The following ADRA1A variants were observed in gnomAD, a reference collection of about 807,000 sequenced individuals.
ADRA1A encodes the protein adrenoceptor alpha 1A.
Under a neutral mutation model 29.6 loss-of-function variants are expected in ADRA1A, and 31 were observed. The ratio of observed to expected loss-of-function variants is 1.05; its 90% confidence interval spans 0.79 to 1.41. The LOEUF is 1.41. Among genes scored for constraint, ADRA1A ranks in the 40% most tolerant of loss-of-function variants. ADRA1A has a pLI of 0.00. For synonymous variants in ADRA1A, 311 were observed against 254.3 expected (o/e 1.22, Z -2.12); for missense variants, 619 against 601.1 (o/e 1.03, Z -0.31).
At chr8:26,807,955 C>G (rs1042701578) in intron 2 of ADRA1A, among the ~76,000 whole-genome samples, 7 of 152,174 alleles carry the variant, frequency 4.6e-5, no homozygotes, top group Non-Finnish European at 7.4e-5. Context: ...AGTTCCCAAG[C>G]TCTTTATACT....
At chr8:26,757,215 T>G (rs1335836304) in intron 2 of ADRA1A, 1 of 696,764 alleles carries the variant, frequency 1.4e-6, no homozygotes, top group African/African-American at 1.8e-5. Flanking sequence ...TAAAACAAGT[T>G]TGAGATTCTG....
chr8:26,831,678 T>C lies in ADRA1A; in HGVS notation c.883+32409A>G, dbSNP rs113358624. On this transcript the variant is annotated intron_variant, in intron 2 of 2. Transcript: ENST00000380573. The surrounding 1 kb of genome is among the most constrained non-coding windows in gnomAD (Gnocchi z 5.2). Reference sequence around the variant, plus strand: ...CTGGGTAGATCAGCCACATGCCAATTGTCTTCTTGTTTTCTTTCCAGGACA... The same window carrying C: ...CTGGGTAGATCAGCCACATGCCAATCGTCTTCTTGTTTTCTTTCCAGGACA... Among the ~76,000 whole-genome samples the C allele has an allele frequency of 1.3e-5, 2 of 152,362 alleles. No individual in the cohort carries two copies. Among genetic ancestry groups the C allele is most frequent in the African/African-American group, 4.8e-5 (2 of 41,578 alleles).
rs1367275492 is a variant in ADRA1A, at chr8:26,805,525, C to T, written c.884-34859G>A. Among the ~76,000 whole-genome samples, 1 of 152,134 alleles carries T rather than the reference C, an allele frequency of 6.6e-6. No individual in the cohort carries two copies. Among genetic ancestry groups the T allele is most frequent in the African/African-American group, 2.4e-5 (1 of 41,404 alleles). On this transcript the variant is annotated intron_variant, in intron 2 of 2. Coordinates refer to ENST00000380573, the MANE Select transcript of ADRA1A (RefSeq NM_000680.4). The surrounding 1 kb of genome is among the most constrained non-coding windows in gnomAD (Gnocchi z 4.8). Reference sequence around the variant, plus strand: ...TCGAAACGCTTTCCATATATTAGCTCATTTAATTTTCCAAAAATGCTAGGA... The same window carrying T: ...TCGAAACGCTTTCCATATATTAGCTTATTTAATTTTCCAAAAATGCTAGGA...
At chr8:26,753,332 C>G (rs921523228), downstream of ADRA1A, among the ~76,000 whole-genome samples, 1 of 152,144 alleles carries the variant, frequency 6.6e-6, no homozygotes, top group Non-Finnish European at 1.5e-5. Flanking sequence ...TGCTACCTGC[C>G]TCTAAACCTG....
Position 26,770,817 on chromosome 8 carries a change from C to T in ADRA1A, c.884-151G>A. Reference sequence around the variant, plus strand: ...GTTTCTCACATTTGACTGACTAGCTCCTATGACTGTCACCCTTTTGCAATA... The same window carrying T: ...GTTTCTCACATTTGACTGACTAGCTTCTATGACTGTCACCCTTTTGCAATA... On this transcript the variant is annotated intron_variant, in intron 2 of 2. Coordinates refer to ENST00000380573, the MANE Select transcript of ADRA1A (RefSeq NM_000680.4). 4.4e-6 allele frequency: 5 copies of T among 1,145,900 alleles called. No individual in the cohort carries two copies. The South Asian group carries it at 8.5e-5, about 19-fold the overall frequency. 71.0% of individuals were successfully genotyped at this position (1,145,900 alleles called of 1,614,324 possible).
intron 2 of ADRA1A, among the ~76,000 whole-genome samples, chr8:26,861,049 G>A (rs1387498995): frequency 6.6e-6 from 1 of 152,108 alleles, no homozygotes; most frequent in South Asian, 2.1e-4. Flanking sequence ...CTCTGGACCT[G>A]TGAGCCTCAC....
At position 26,848,797 on chromosome 8, in the gene ADRA1A, A is replaced by G. The variant is rs1812405281; in HGVS notation, c.883+15290T>C. On this transcript the variant is annotated intron_variant, in intron 2 of 2. Coordinates refer to ENST00000380573, the MANE Select transcript of ADRA1A (RefSeq NM_000680.4). This position sits in a 1 kb window ranked among gnomAD's most constrained non-coding sequence, Gnocchi z 4.3. ...CACAAGGGAAAGCTCAGCTTACTGA[A>G]CTGTGTAGGGATTCTGTTACTGTCT... 6.6e-6 allele frequency among the ~76,000 whole-genome samples: 1 copy of G among 152,196 alleles called. No homozygotes were observed. Among genetic ancestry groups the G allele is most frequent in the Non-Finnish European group, 1.5e-5 (1 of 68,032 alleles).
chr8:26,859,006 C>G, intron 2 of ADRA1A: 6 of 1,203,312 alleles, frequency 5.0e-6, no homozygotes, highest in Non-Finnish European at 6.3e-6. Context: ...ACAGGAAGGA[C>G]CTTTGCAGTC....
rs768440706 is a variant in ADRA1A, at chr8:26,757,093, C to T, written c.1270-314G>A. 10 of 702,706 alleles carry T rather than the reference C, an allele frequency of 1.4e-5. No individual in the cohort carries two copies. In the South Asian group the frequency reaches 1.5e-4, roughly 10 times the overall value. 43.5% of individuals were successfully genotyped at this position (702,706 alleles called of 1,614,324 possible). ...TTGGGCCAACACCAATCCGTTCATC[C>T]TTGCAGCTGCTTCTCAAAATCCAGA... is the stretch of plus-strand genomic sequence containing the variant. On this transcript the variant is annotated intron_variant, in intron 2 of 2. Transcript: ENST00000380582.
chr8:26,795,547 AT>A (rs1226843384), intron 2 of ADRA1A, among the ~76,000 whole-genome samples: 1 of 152,212 alleles, frequency 6.6e-6, no homozygotes, highest in East Asian at 1.9e-4. Flanking sequence ...AAACTAATAA[AT>A]GAAAGTGGAA....
chr8:26,780,359 G>A (rs184273161), intron 2 of ADRA1A, among the ~76,000 whole-genome samples: 16 of 152,228 alleles, frequency 1.1e-4, no homozygotes, highest in Admixed American at 3.9e-4. Flanking sequence ...CTTTCTTCCT[G>A]CCGCAGTAGA....
intron 2 of ADRA1A, among the ~76,000 whole-genome samples, chr8:26,833,673 A>C (rs1024897879): frequency 2.0e-5 from 3 of 152,250 alleles, no homozygotes; most frequent in African/African-American, 7.2e-5. Context: ...CATATTGCTA[A>C]GGCAAAGCAG....
rs1813795466 is a variant in ADRA1A at position 26,864,953 on chromosome 8, C to T, written c.17G>A (p.Gly6Glu). The T allele has an allele frequency of 6.2e-7, 1 of 1,606,928 alleles. No homozygotes were observed. Among genetic ancestry groups the T allele is most frequent in the Non-Finnish European group, 8.5e-7 (1 of 1,178,170 alleles). ...GCAGTTGGAGCTGTCGGAAGCATTT[C>T]CCGAGAGAAACACCATGGTCCCAGC... MVFLSGNASDSSNCTQ... is the reference protein window; with the variant it reads MVFLSENASDSSNCTQ... Residue 6 changes from glycine to glutamate, a missense_variant, in exon 2 of 3, where the codon GGA becomes GAA. Gly to Glu is a moderately conservative substitution (Grantham distance 98). Coordinates refer to ENST00000380573, the MANE Select transcript of ADRA1A (RefSeq NM_000680.4). This position sits in a 1 kb window ranked among gnomAD's most constrained non-coding sequence, Gnocchi z 8.1.
At chr8:26,807,823 C>G (rs1809108765) in intron 2 of ADRA1A, among the ~76,000 whole-genome samples, 1 of 152,060 alleles carries the variant, frequency 6.6e-6, no homozygotes, top group African/African-American at 2.4e-5. Flanking sequence ...AGGCCAGGAC[C>G]CATCCACCTT....
Position 26,757,015 on chromosome 8 carries a change from T to G in ADRA1A, c.1270-236A>C, listed in dbSNP as rs1805207892. The G allele has an allele frequency of 4.2e-6, 3 of 717,198 alleles. No homozygotes were observed. In the East Asian group the frequency reaches 8.0e-5, roughly 19 times the overall value. The allele number at this position is 717,198 out of a possible 1,614,324, so 44.4% of individuals were successfully genotyped here. ...CATTCTGCTCCCTGTGAGATGATGC[T>G]TTTGGTCTTCTTTCTCCAAACACTG... On this transcript the variant is annotated intron_variant, in intron 2 of 2. Coordinates refer to the ADRA1A transcript ENST00000380582.
chr8:26,829,977 G>C (rs1039145296), intron 2 of ADRA1A, among the ~76,000 whole-genome samples: 7 of 150,730 alleles, frequency 4.6e-5, no homozygotes, highest in Non-Finnish European at 1.0e-4. Context: ...GGGGTGGGTG[G>C]GGAAGGATTG....
chr8:26,811,255 C>A (rs1023371362), intron 2 of ADRA1A, among the ~76,000 whole-genome samples: 1 of 151,626 alleles, frequency 6.6e-6, no homozygotes, highest in African/African-American at 2.4e-5. Context: ...TGCAGTGGCG[C>A]GATCTCGGCT....
At chr8:26,761,192 A>T (rs1805487230), downstream of ADRA1A, among the ~76,000 whole-genome samples, 1 of 152,248 alleles carries the variant, frequency 6.6e-6, no homozygotes, top group South Asian at 2.1e-4. Flanking sequence ...AAAAATTACA[A>T]CAGAGTACAG....
At chr8:26,811,665 T>A (rs1809409237) in intron 2 of ADRA1A, among the ~76,000 whole-genome samples, 1 of 152,232 alleles carries the variant, frequency 6.6e-6, no homozygotes, top group African/African-American at 2.4e-5. Context: ...TAGATGGATA[T>A]AACTTAAGAT....
Sources: gnomAD v4.1 joint callset for allele counts (sites outside exome capture counted in the v4.1 genomes callset) on GRCh38, gnomAD v4.1.1 for gene constraint, Gnocchi (gnomAD v3.1) non-coding constraint, MANE v1.5 for transcripts, NCBI Gene and HGNC (gene_info 2026-07-23, HGNC 2026-07-21) for gene names.